Variants in NOC2L observed in about 807,000 individuals in gnomAD.
NOC2L encodes NOC2 like nucleolar associated transcriptional repressor.
NOC2L carries 101 observed loss-of-function variants against 94.2 expected under a neutral mutation model. That is an observed-to-expected ratio of 1.07 (90% confidence interval 0.91 to 1.26). The LOEUF (loss-of-function observed/expected upper bound fraction) is 1.26, where lower values mean the gene tolerates loss of function less well. Ranked by LOEUF, NOC2L falls within the 50% of genes most tolerant of loss-of-function variation. The pLI is 0.00. For synonymous variants in NOC2L, 531 were observed against 413.4 expected, an observed-to-expected ratio of 1.28 and a Z score of -3.45; for missense variants, 1,076 against 980.1, an observed-to-expected ratio of 1.10 and a Z score of -1.31.
chr1:958,822 G>A (rs1642495222), intron 2 of NOC2L, 107 bp downstream of exon 2: 3 of 1,143,388 alleles, frequency 2.6e-6, no homozygotes, highest in African/African-American at 1.5e-5. Flanking sequence ...GGGGGCAGAG[G>A]TCGGCGATCC....
At chr1:952,318 G>A in intron 10 of NOC2L, 94 bp downstream of exon 10, 1 of 1,495,902 alleles carries the variant, frequency 6.7e-7, no homozygotes. Flanking sequence ...TCCAGACAGG[G>A]GCTTCGGGGA....
chr1:956,902 C>T lies in NOC2L; in HGVS notation c.478G>A (p.Ala160Thr). Residue 160 changes from alanine to threonine, a missense_variant, in exon 4 of 19, where the codon GCA becomes ACA. Around this residue, in one of 3 missense-constraint regions of NOC2L, gnomAD observed 457 missense variants for 386.0 expected, o/e 1.18. Transcript: ENST00000327044. ...CCCTGGCTGCTGCTCACCTTTGCTG[C>T]CTGCTTCCATCTCTCAACCATGGCG... is the stretch of plus-strand genomic sequence containing the variant. ...TVAMVERWKQ[A>T]AKQRLTPKLF... The T allele has an allele frequency of 3.7e-6, 6 of 1,613,780 alleles. No individual in the cohort carries two copies. Among genetic ancestry groups the T allele is most frequent in the South Asian group, 1.1e-5 (1 of 91,076 alleles).
At chr1:948,707 G>T (rs1179533616) in intron 12 of NOC2L, 104 bp from the exon 13 acceptor site, 1 of 968,008 alleles carries the variant, frequency 1.0e-6, no homozygotes, top group Non-Finnish European at 1.7e-6. Flanking sequence ...CCTGCACCTG[G>T]CTGCACCCTG....
rs766666244 is a variant in NOC2L, at chr1:954,050, C to T, written c.731G>A (p.Gly244Glu). The change falls in exon 7 of 19, where the codon GGG becomes GAG. Residue 244 changes from glycine to glutamate, a missense_variant. Physicochemically the swap from Gly to Glu is moderately conservative, Grantham distance 98. Coordinates refer to ENST00000327044, the MANE Select transcript of NOC2L (RefSeq NM_015658.4). Reference protein sequence around the residue: ...MLQPSSSPLWGKLRVDIKAYL... With the variant: ...MLQPSSSPLWEKLRVDIKAYL... ...AGCCTTGATGTCCACACGAAGCTTC[C>T]CCCAGAGCGGGCTGCTGGACGGCTG... 1 of 1,610,040 alleles carries T rather than the reference C, an allele frequency of 6.2e-7. No homozygotes were observed. The highest frequency in any genetic ancestry group is 1.1e-5 in the South Asian group (1 of 90,848).
At chr1:958,699 A>G (rs1267937227) in intron 2 of NOC2L, 1 of 695,346 alleles carries the variant, frequency 1.4e-6, no homozygotes, top group South Asian at 1.5e-5. Flanking sequence ...CTAGATCGGG[A>G]AGAGATTTTT....
Position 944,459 on chromosome 1 carries a change from G to GCGGAGCTGACTTCAGCAGCC in NOC2L, c.*215_*234dup. 1.2e-6 allele frequency: 1 copy of GCGGAGCTGACTTCAGCAGCC among 834,830 alleles called. No homozygotes were observed. The highest frequency in any genetic ancestry group is 1.7e-6 in the Non-Finnish European group (1 of 576,346). The allele number at this position is 834,830 out of a possible 1,614,324, so 51.7% of individuals were successfully genotyped here. A position where few individuals can be genotyped will look rare whatever the true frequency, so the allele number is the denominator to read the frequency against. On this transcript the variant is annotated 3_prime_UTR_variant, in exon 19 of 19. Transcript: ENST00000327044. ...TGCTGACGTCAGGGTCAGCTCCCCC[G>GCGGAGCTGACTTCAGCAGCC]CGGAGCTGACTTCAGCAGCCCACAG...
At position 946,624 on chromosome 1, in the gene NOC2L, C is replaced by T. The variant is rs548320920; in HGVS notation, c.1660-79G>A. The T allele has an allele frequency of 1.1e-4, 171 of 1,533,162 alleles. No homozygotes were observed. In the East Asian group the frequency reaches 3.4e-3, roughly 31 times the overall value. 95.0% of individuals were successfully genotyped at this position (1,533,162 alleles called of 1,614,324 possible). On this transcript the variant is annotated intron_variant, in intron 14 of 18. Transcript: ENST00000327044. The stretch of plus-strand genomic sequence containing the variant: ...CTGGCCCAGGTCCTGTGCAAAACCA[C>T]GCGTGGTGGCCACGGGGATACCCCA...
At chr1:946,815 T>C in intron 14 of NOC2L, 1 of 343,262 alleles carries the variant, frequency 2.9e-6, no homozygotes, top group South Asian at 3.5e-5. Flanking sequence ...CCCAGCACTT[T>C]GGGAGGCTGA....
chr1:959,009 T>C lies in NOC2L; in HGVS notation c.99A>G (p.Glu33=). 5 of 1,612,508 alleles carry C rather than the reference T, an allele frequency of 3.1e-6. No individual in the cohort carries two copies. Among genetic ancestry groups the C allele is most frequent in the Non-Finnish European group, 4.2e-6 (5 of 1,179,798 alleles). Residue 33 remains glutamate (E), a synonymous_variant, in exon 2 of 19, where the codon GAA becomes GAG. Coordinates refer to ENST00000327044, the MANE Select transcript of NOC2L (RefSeq NM_015658.4). ...GFDSESESES[E]NSPQAETREA... is the part of the protein sequence containing the mutation. Reference sequence around the variant, plus strand: ...CCCGTGTCTCCGCTTGTGGAGAATTTTCGGACTCGGATTCGGACTCGGAGT... The same window carrying C: ...CCCGTGTCTCCGCTTGTGGAGAATTCTCGGACTCGGATTCGGACTCGGAGT...
Position 945,056 on chromosome 1 carries a change from C to A in NOC2L, c.2143+1G>T. The A allele has an allele frequency of 6.2e-7, 1 of 1,614,152 alleles. No individual in the cohort carries two copies. The highest frequency in any genetic ancestry group is 8.5e-7 in the Non-Finnish European group (1 of 1,179,984). ...CACCCTCTCACCCCAAGACCATTCA[C>A]CCTCCGAGTTGCTGCTGTCCTCCTC... is the stretch of plus-strand genomic sequence containing the variant. On this transcript the variant is annotated splice_donor_variant, in intron 18 of 18. Transcript: ENST00000327044. LOFTEE classifies it high-confidence loss of function.
In NOC2L at chr1:948,245, A is replaced by G. The variant is rs4970378; in HGVS notation, c.1558-13T>C. The G allele has an allele frequency of 1, 1,567,062 of 1,567,094 alleles. 783,515 individuals are homozygous for G. The highest frequency in any genetic ancestry group is 1 in the Middle Eastern group (5,990 of 5,990). On this transcript the variant is annotated splice_polypyrimidine_tract_variant and intron_variant, in intron 13 of 18. Coordinates refer to ENST00000327044, the MANE Select transcript of NOC2L (RefSeq NM_015658.4). Reference sequence around the variant, plus strand: ...CCACCAGGCCGTCCTGAAGAGCAGGAGAGAGGGCCGAGTGCATCAGGGAGA... The same window carrying G: ...CCACCAGGCCGTCCTGAAGAGCAGGGGAGAGGGCCGAGTGCATCAGGGAGA...
At position 945,103 on chromosome 1, in the gene NOC2L, A is replaced by C; in HGVS notation, c.2097T>G (p.Asp699Glu). ...PLSTRHGVED[D>E]EEDEEEGEED... Reference sequence around the variant, plus strand: ...CCTCGCCCTCCTCCTCGTCCTCTTCATCGTCTTCCACCCCATGCCGAGTGC... The same window carrying C: ...CCTCGCCCTCCTCCTCGTCCTCTTCCTCGTCTTCCACCCCATGCCGAGTGC... The change falls in exon 18 of 19, where the codon GAT becomes GAG. Residue 699 changes from aspartate to glutamate, a missense_variant. Asp to Glu is a conservative substitution (Grantham distance 45). Around this residue, in one of 3 missense-constraint regions of NOC2L, gnomAD observed 615 missense variants for 577.4 expected, o/e 1.07. Transcript: ENST00000327044. The C allele has an allele frequency of 6.2e-7, 1 of 1,613,536 alleles. No homozygotes were observed. Among genetic ancestry groups the C allele is most frequent in the Non-Finnish European group, 8.5e-7 (1 of 1,179,718 alleles).
At position 948,124 on chromosome 1, in the gene NOC2L, C is replaced by T; in HGVS notation, c.1659+7G>A. 2 of 1,575,784 alleles carry T rather than the reference C, an allele frequency of 1.3e-6. No individual in the cohort carries two copies. Among genetic ancestry groups the T allele is most frequent in the Non-Finnish European group, 1.7e-6 (2 of 1,160,538 alleles). The stretch of plus-strand genomic sequence containing the variant: ...CGGCCACGAGCCGGTGTGGGCAGGA[C>T]ACACACCTGCAGGACCACAGGCAGC... On this transcript the variant is annotated splice_region_variant and intron_variant, in intron 14 of 18. Transcript: ENST00000327044.
chr1:959,098 A>C lies in NOC2L; in HGVS notation c.27-17T>G. 2 of 1,609,992 alleles carry C rather than the reference A, an allele frequency of 1.2e-6. No homozygotes were observed. Among genetic ancestry groups the C allele is most frequent in the Non-Finnish European group, 1.7e-6 (2 of 1,178,058 alleles). ...GCCAGGCGCCTGCGGGTCACGCAGG[A>C]GTCACAGCTGCCCGCACGCCCAGCT... On this transcript the variant is annotated splice_polypyrimidine_tract_variant and intron_variant, in intron 1 of 18. Transcript: ENST00000327044.
At chr1:956,783 G>A in intron 4 of NOC2L, 111 bp downstream of exon 4, 1 of 1,513,050 alleles carries the variant, frequency 6.6e-7, no homozygotes, top group South Asian at 1.2e-5. Flanking sequence ...GGCAAGGCCA[G>A]ATCTCTGCCT....
Position 957,260 on chromosome 1 carries a change from G to A in NOC2L, c.193C>T (p.Arg65Cys), listed in dbSNP as rs769731077. 31 of 1,613,574 alleles carry A rather than the reference G, an allele frequency of 1.9e-5. No homozygotes were observed. Among genetic ancestry groups the A allele is most frequent in the Admixed American group, 5.0e-5 (3 of 60,004 alleles). Residue 65 changes from arginine to cysteine, a missense_variant, in exon 3 of 19, where the codon CGT (arginine) becomes TGT (cysteine). By Grantham distance (180) the Arg-to-Cys change is radical. Around this residue, in one of 3 missense-constraint regions of NOC2L, gnomAD observed 457 missense variants for 386.0 expected, o/e 1.18. Transcript: ENST00000327044. Reference sequence around the variant, plus strand: ...AGCTGGTCTTTGTGCTCAGAGGCACGGCCTTTACGCCGGCTGAGGAGGCAG... The same window carrying A: ...AGCTGGTCTTTGTGCTCAGAGGCACAGCCTTTACGCCGGCTGAGGAGGCAG... ...GSPSASRRKG[R>C]ASEHKDQLSR... is the part of the protein sequence containing the mutation.
intron 2 of NOC2L, 196 bp from the exon 3 acceptor site, chr1:957,469 C>G: frequency 1.7e-6 from 1 of 592,962 alleles, no homozygotes; most frequent in South Asian, 2.0e-5. Context: ...CTACACAGGC[C>G]CCCCAGCCGC....
intron 8 of NOC2L, 102 bp from the exon 9 acceptor site, chr1:953,390 A>G (rs1164120339): frequency 1.4e-6 from 1 of 704,144 alleles, no homozygotes; most frequent in Non-Finnish European, 2.5e-6. Flanking sequence ...TCCCATGGCC[A>G]CCAGCTCTTC....
intron 14 of NOC2L, among the ~76,000 whole-genome samples, chr1:947,280 G>C (rs535985614): frequency 6.6e-6 from 1 of 152,324 alleles, no homozygotes; most frequent in South Asian, 2.1e-4. Flanking sequence ...CACCACCCAA[G>C]AGGACATGGG....
Sources: allele counts gnomAD v4.1 joint callset (sites outside exome capture counted in the v4.1 genomes callset), GRCh38; gene constraint gnomAD v4.1.1; regional missense constraint gnomAD v4.1.1; transcripts MANE v1.5; gene names NCBI Gene and HGNC (gene_info 2026-07-23, HGNC 2026-07-21).